USF3: variants seen among roughly 807,000 people sequenced by gnomAD.
The protein encoded by USF3 is basic helix-loop-helix domain-containing protein USF3.
In USF3, 29 loss-of-function variants were observed where a neutral mutation model predicts 157.5. That is an observed-to-expected ratio of 0.18 (90% CI 0.14 to 0.25). The LOEUF (loss-of-function observed/expected upper bound fraction) is 0.25. USF3 is among the 10% of genes least tolerant of loss of function. USF3 has a pLI of 1.00. For synonymous variants in USF3, 893 were observed against 941.4 expected, an observed-to-expected ratio of 0.95 and a Z score of 0.94; for missense variants, 2,381 against 2,667.6, an observed-to-expected ratio of 0.89 and a Z score of 2.37.
chr3:113,689,573 T>C (rs1294721914), intron 1 of USF3, among the ~76,000 whole-genome samples: 1 of 152,210 alleles, frequency 6.6e-6, no homozygotes, highest in African/African-American at 2.4e-5. Context: ...TAACCAGCTC[T>C]CCTTCCAAAA....
intron 1 of USF3, among the ~76,000 whole-genome samples, chr3:113,680,767 C>A (rs1707400571): frequency 6.8e-6 from 1 of 148,112 alleles, no homozygotes; most frequent in Non-Finnish European, 1.5e-5. Context: ...CACGCCACTC[C>A]AGCGTGAGTG....
At chr3:113,673,278 T>C (rs917743376) in intron 4 of USF3, 70 bp downstream of exon 4, 2 of 963,206 alleles carry the variant, frequency 2.1e-6, no homozygotes, top group African/African-American at 1.6e-5. Flanking sequence ...TAAAAACTTA[T>C]AATCAACTGC....
rs75135270 is a variant in USF3, at chr3:113,689,454, T to C, written c.-135+6916A>G. The stretch of plus-strand genomic sequence containing the variant: ...CTACATTTACCGTAAATCCTATAAA[T>C]CTATAAATCTATCCTTTCAGGCCTC... On this transcript the variant is annotated intron_variant, in intron 1 of 6. Coordinates refer to ENST00000316407, the MANE Select transcript of USF3 (RefSeq NM_001009899.4). Among the ~76,000 whole-genome samples, 806 of 152,344 alleles carry C rather than the reference T, an allele frequency of 5.3e-3. 58 individuals carry two copies. The East Asian group carries it at 0.13, about 25-fold the overall frequency.
In USF3 at chr3:113,681,297, T is replaced by G. The variant is rs189137303; in HGVS notation, c.-134-3900A>C. ...CCCAGCCTGAAGTTTTTCTACTTTT[T>G]TGATGTGGGTGCTTTCCTCTTATTA... On this transcript the variant is annotated intron_variant, in intron 1 of 6. Transcript: ENST00000316407. Among the ~76,000 whole-genome samples, 66 of 152,044 alleles carry G rather than the reference T, an allele frequency of 4.3e-4. No individual in the cohort carries two copies. In the East Asian group the frequency reaches 0.012, roughly 29 times the overall value.
At chr3:113,677,621 G>A (rs542058363) in intron 1 of USF3, among the ~76,000 whole-genome samples, 1 of 152,304 alleles carries the variant, frequency 6.6e-6, no homozygotes, top group African/African-American at 2.4e-5. Context: ...TAGTCTTACA[G>A]CCAACGGATG....
chr3:113,678,826 C>G (rs1287828049), intron 1 of USF3, among the ~76,000 whole-genome samples: 1 of 151,972 alleles, frequency 6.6e-6, no homozygotes, highest in Non-Finnish European at 1.5e-5. Flanking sequence ...CAGCTCACTG[C>G]AGCCTCAAAC....
intron 6 of USF3, among the ~76,000 whole-genome samples, chr3:113,662,233 A>T (rs1223562305): frequency 6.6e-6 from 1 of 152,262 alleles, no homozygotes; most frequent in Non-Finnish European, 1.5e-5. Context: ...TAAGAAGCAA[A>T]GTGGCACCAA....
chr3:113,693,991 G>A (rs565798013), intron 1 of USF3, among the ~76,000 whole-genome samples: 62 of 152,314 alleles, frequency 4.1e-4, no homozygotes, highest in African/African-American at 1.5e-3. Context: ...TCTCAGCCAG[G>A]GCTACTGAAC....
At chr3:113,690,561 T>C (rs943370634) in intron 1 of USF3, among the ~76,000 whole-genome samples, 15 of 152,302 alleles carry the variant, frequency 9.8e-5, no homozygotes, top group African/African-American at 3.1e-4. Flanking sequence ...TAGCTAATTA[T>C]GCCATCTACC....
At chr3:113,692,121 T>C (rs1707700116) in intron 1 of USF3, among the ~76,000 whole-genome samples, 1 of 152,224 alleles carries the variant, frequency 6.6e-6, no homozygotes, top group Non-Finnish European at 1.5e-5. Flanking sequence ...GATAATCTAA[T>C]GCTGCCGCTG....
In USF3 at chr3:113,650,874, T is replaced by C. The variant is rs1364898274; in HGVS notation, c.*4070A>G. The C allele has an allele frequency of 3.3e-5, 5 of 152,128 alleles. No individual in the cohort carries two copies. The highest frequency in any genetic ancestry group is 7.2e-5 in the African/African-American group (3 of 41,430). 9.4% of individuals were successfully genotyped at this position (152,128 alleles called of 1,614,324 possible). On this transcript the variant is annotated 3_prime_UTR_variant, in exon 7 of 7. Coordinates refer to ENST00000316407, the MANE Select transcript of USF3 (RefSeq NM_001009899.4). ...TGTTAAATTTTACGAAGCAAGACCA[T>C]TGAGGAATTCCTACACCTTACCTAG...
intron 5 of USF3, among the ~76,000 whole-genome samples, chr3:113,668,295 G>C (rs1024256895): frequency 1.3e-5 from 2 of 152,062 alleles, no homozygotes; most frequent in Non-Finnish European, 2.9e-5. Flanking sequence ...GGAAACAGCG[G>C]GGTAGAGTAA....
chr3:113,656,896 G>A lies in USF3; in HGVS notation c.4786C>T (p.Leu1596Phe), dbSNP rs752322932. The A allele has an allele frequency of 1.5e-5, 24 of 1,614,182 alleles. No homozygotes were observed. The highest frequency in any genetic ancestry group is 1.0e-5 in the Non-Finnish European group (12 of 1,180,022). The change falls in exon 7 of 7, where the codon CTC (leucine) becomes TTC (phenylalanine). Residue 1596 changes from leucine (L) to phenylalanine (F), a missense_variant. Physicochemically the swap from Leu to Phe is conservative, Grantham distance 22. Around this residue, in one of 6 missense-constraint regions of USF3, gnomAD observed 770 missense variants for 824.2 expected, o/e 0.93. Transcript: ENST00000316407. Reference protein sequence around the residue: ...RNHHNHPQNHLNQDIMHQQQD... With the variant: ...RNHHNHPQNHFNQDIMHQQQD... ...TGTTGGTGCATAATATCTTGATTGA[G>A]ATGGTTCTGGGGATGGTTATGATGG...
rs531706201 is a variant in USF3 at position 113,676,661 on chromosome 3, A to G, written c.-19+621T>C. 1.3e-4 allele frequency among the ~76,000 whole-genome samples: 20 copies of G among 152,300 alleles called. No individual in the cohort carries two copies. The East Asian group carries it at 3.7e-3, about 28-fold the overall frequency. ...ATCAACAACCTTTCAAAATGAGTCT[A>G]CCAAGTTGGGATACCTGCTGTGGTA... On this transcript the variant is annotated intron_variant, in intron 2 of 6. Coordinates refer to ENST00000316407, the MANE Select transcript of USF3 (RefSeq NM_001009899.4).
chr3:113,664,386 T>G lies in USF3; in HGVS notation c.183A>C (p.Gln61His). The G allele has an allele frequency of 6.2e-7, 1 of 1,608,496 alleles. No individual in the cohort carries two copies. Among genetic ancestry groups the G allele is most frequent in the Non-Finnish European group, 8.5e-7 (1 of 1,176,340 alleles). Residue 61 changes from glutamine to histidine, a missense_variant, in exon 6 of 7, where the codon CAA becomes CAC. Gln to His is a conservative substitution (Grantham distance 24). This residue lies in a region of USF3 where 105 missense variants were observed against 158.6 expected (regional missense o/e 0.66). Transcript: ENST00000316407. ...TCAATTCTGTTATATATTTAAAGGCTTGGTCCAGGATCATATTCTTGCTCT... is the reference window on the plus strand; with the variant it reads ...TCAATTCTGTTATATATTTAAAGGCGTGGTCCAGGATCATATTCTTGCTCT... ...LKQSKNMILD[Q>H]AFKYITELKR...
At position 113,680,113 on chromosome 3, in the gene USF3, T is replaced by C. The variant is rs552906592; in HGVS notation, c.-134-2716A>G. On this transcript the variant is annotated intron_variant, in intron 1 of 6. Coordinates refer to ENST00000316407, the MANE Select transcript of USF3 (RefSeq NM_001009899.4). ...TGTTTGGTTTGGTATCAGGGTAACA[T>C]TGGCTTCACAGAATGAATTCGAAGT... Among the ~76,000 whole-genome samples the C allele has an allele frequency of 9.0e-5, 13 of 143,726 alleles. No homozygotes were observed. In the Admixed American group the frequency reaches 9.5e-4, roughly 10 times the overall value. The allele number at this position is 143,726 out of a possible 152,430, so 94.3% of individuals were successfully genotyped here. A position where few individuals can be genotyped will look rare whatever the true frequency, so the allele number is the denominator to read the frequency against.
intron 1 of USF3, among the ~76,000 whole-genome samples, chr3:113,688,900 G>A (rs560272005): frequency 1.1e-4 from 16 of 152,194 alleles, no homozygotes; most frequent in South Asian, 2.1e-4. Flanking sequence ...GCGTGGTGGC[G>A]GGAGCCTGTA....
rs1395897885 is a variant in USF3, at chr3:113,661,388, T to G, written c.294A>C (p.Glu98Asp). 13 of 1,578,712 alleles carry G rather than the reference T, an allele frequency of 8.2e-6. No homozygotes were observed. Among genetic ancestry groups the G allele is most frequent in the Non-Finnish European group, 1.1e-5 (13 of 1,166,500 alleles). ...TATATCGGCCATTTTCTTTTTGGAT[T>G]TCTTCCAGTTGTTTCCGTAGCTTTT... ...EIKKLRKQLEEIQKENGRYIE... is the reference protein window; with the variant it reads ...EIKKLRKQLEDIQKENGRYIE... The change falls in exon 7 of 7, where the codon GAA (glutamate) becomes GAC (aspartate). Residue 98 changes from glutamate to aspartate, a missense_variant. Physicochemically the swap from Glu to Asp is conservative, Grantham distance 45. Transcript: ENST00000316407.
chr3:113,683,367 A>G (rs1559723275), intron 1 of USF3, among the ~76,000 whole-genome samples: 1 of 152,048 alleles, frequency 6.6e-6, no homozygotes, highest in Non-Finnish European at 1.5e-5. Context: ...CTAGTTTTTA[A>G]AACTATAGTT....
Sources: allele counts gnomAD v4.1 joint callset (sites outside exome capture counted in the v4.1 genomes callset), GRCh38; gene constraint gnomAD v4.1.1; regional missense constraint gnomAD v4.1.1; transcripts MANE v1.5; gene names NCBI Gene and HGNC (gene_info 2026-07-23, HGNC 2026-07-21).